The following PTPRD variants were observed in gnomAD, a reference collection of about 807,000 sequenced individuals.
PTPRD encodes the protein protein tyrosine phosphatase receptor type D.
PTPRD carries 34 observed loss-of-function variants against 214.5 expected under a neutral mutation model. That is an observed-to-expected ratio of 0.16 (90% CI 0.12 to 0.21). PTPRD has a LOEUF of 0.21. Among genes scored for constraint, PTPRD ranks in the 10% least tolerant of loss-of-function variants. The pLI is 1.00. For synonymous variants in PTPRD, 1,128 were observed against 845.7 expected (o/e 1.33, Z -5.79); for missense variants, 2,545 against 2,398.7 (o/e 1.06, Z -1.27).
At chr9:9,509,039 A>C (rs879196064) in intron 8 of PTPRD, among the ~76,000 whole-genome samples, 7 of 141,962 alleles carry the variant, frequency 4.9e-5, no homozygotes. Flanking sequence ...CTTTCCAAGA[A>C]AAAAAAATCT....
At chr9:9,475,286 C>A (rs767965213) in intron 8 of PTPRD, among the ~76,000 whole-genome samples, 2 of 152,148 alleles carry the variant, frequency 1.3e-5, no homozygotes, top group Non-Finnish European at 2.9e-5. Flanking sequence ...TGTACAGCAA[C>A]CATCCAAAAC....
chr9:9,380,143 G>C (rs1313936877), intron 9 of PTPRD, among the ~76,000 whole-genome samples: 1 of 151,954 alleles, frequency 6.6e-6, no homozygotes, highest in East Asian at 1.9e-4. Flanking sequence ...TAGGTTATTT[G>C]TAGAGATTCT....
chr9:10,106,565 G>T (rs1308763142), intron 3 of PTPRD, among the ~76,000 whole-genome samples: 1 of 151,816 alleles, frequency 6.6e-6, no homozygotes, highest in Non-Finnish European at 1.5e-5. Context: ...AACAAAAGTG[G>T]ATTTATCTCA....
intron 12 of PTPRD, among the ~76,000 whole-genome samples, chr9:8,683,385 C>CAAA (rs78015875): frequency 2.3e-4 from 25 of 107,078 alleles, no homozygotes; most frequent in African/African-American, 7.1e-4. Flanking sequence ...ACTCCTTTCT[C>CAAA]AAAAAAAAAA....
At chr9:10,100,451 T>C (rs1019842482) in intron 3 of PTPRD, among the ~76,000 whole-genome samples, 2 of 151,590 alleles carry the variant, frequency 1.3e-5, no homozygotes, top group Admixed American at 6.6e-5. Flanking sequence ...GAGAAGGCAA[T>C]TGCAAGAATC....
intron 8 of PTPRD, among the ~76,000 whole-genome samples, chr9:9,448,633 T>G (rs539277096): frequency 6.6e-6 from 1 of 152,138 alleles, no homozygotes; most frequent in East Asian, 1.9e-4. Context: ...AAGCATTCAC[T>G]GGATGCCCTG....
chr9:10,292,430 T>G (rs2095553384), intron 3 of PTPRD, among the ~76,000 whole-genome samples: 1 of 152,010 alleles, frequency 6.6e-6, no homozygotes, highest in African/African-American at 2.4e-5. Context: ...AACCTTCCAA[T>G]ACCTTCTCAT....
At chr9:9,872,532 T>C (rs1225211871) in intron 5 of PTPRD, among the ~76,000 whole-genome samples, 3 of 151,930 alleles carry the variant, frequency 2.0e-5, no homozygotes, top group African/African-American at 4.8e-5. Context: ...GCCGAGGATA[T>C]CGAGGCTATA....
intron 5 of PTPRD, among the ~76,000 whole-genome samples, chr9:9,778,213 T>A (rs1480659639): frequency 1.3e-5 from 2 of 152,144 alleles, no homozygotes; most frequent in East Asian, 3.9e-4. Context: ...CTGCACAGCA[T>A]AAGGGAATGC....
At chr9:10,130,751 A>G (rs1554698113) in intron 3 of PTPRD, among the ~76,000 whole-genome samples, 1 of 152,094 alleles carries the variant, frequency 6.6e-6, no homozygotes, top group Non-Finnish European at 1.5e-5. Flanking sequence ...TAAAGAGAAA[A>G]CTGAAAAAAA....
At chr9:9,598,818 C>T (rs1404400044) in intron 7 of PTPRD, among the ~76,000 whole-genome samples, 3 of 151,848 alleles carry the variant, frequency 2.0e-5, no homozygotes. Flanking sequence ...AAGAGGTGGA[C>T]TTGAGTTTGA....
intron 14 of PTPRD, among the ~76,000 whole-genome samples, chr9:8,594,757 C>A (rs1175467559): frequency 6.6e-6 from 1 of 152,256 alleles, no homozygotes; most frequent in Non-Finnish European, 1.5e-5. Flanking sequence ...ACCTCCCCAG[C>A]CATGAAGAAC....
At chr9:8,527,230 G>C (rs529365525) in intron 16 of PTPRD, 115 bp downstream of exon 16, 4 of 1,085,852 alleles carry the variant, frequency 3.7e-6, no homozygotes, top group East Asian at 5.1e-5. Flanking sequence ...CAGAGATCTG[G>C]TGTCTACACT....
At chr9:9,518,518 G>GGGT (rs1430467099) in intron 8 of PTPRD, among the ~76,000 whole-genome samples, 1 of 152,012 alleles carries the variant, frequency 6.6e-6, no homozygotes, top group Admixed American at 6.6e-5. Flanking sequence ...AGGCATAATA[G>GGGT]GGTAGGTCAA....
intron 2 of PTPRD, among the ~76,000 whole-genome samples, chr9:10,485,163 A>G (rs2099124543): frequency 6.6e-6 from 1 of 152,002 alleles, no homozygotes; most frequent in Admixed American, 6.6e-5. Context: ...CTTGAAAATG[A>G]GTTCACTGCA....
chr9:9,994,873 G>T (rs1019612171), intron 4 of PTPRD, among the ~76,000 whole-genome samples: 2 of 151,840 alleles, frequency 1.3e-5, no homozygotes, highest in African/African-American at 4.8e-5. Context: ...TCTCCAAATA[G>T]CATATTATAT....
intron 11 of PTPRD, among the ~76,000 whole-genome samples, chr9:8,963,667 T>C (rs969749897): frequency 5.9e-5 from 9 of 152,126 alleles, no homozygotes; most frequent in Non-Finnish European, 8.8e-5. Flanking sequence ...TTGCCCAGTC[T>C]GAAGTTCAGT....
chr9:10,466,398 A>G (rs546364240), intron 2 of PTPRD, among the ~76,000 whole-genome samples: 60 of 152,084 alleles, frequency 3.9e-4, no homozygotes, highest in African/African-American at 1.4e-3. Flanking sequence ...CTGAGGCGGG[A>G]GGACCACCTG....
chr9:8,826,880 T>A (rs2097186517), intron 11 of PTPRD, among the ~76,000 whole-genome samples: 1 of 152,112 alleles, frequency 6.6e-6, no homozygotes, highest in Non-Finnish European at 1.5e-5. Flanking sequence ...ACACTGGTTC[T>A]CATCATATCT....
Sources: allele counts gnomAD v4.1 joint callset (sites outside exome capture counted in the v4.1 genomes callset), GRCh38; gene constraint gnomAD v4.1.1; transcripts MANE v1.5; gene names NCBI Gene and HGNC (gene_info 2026-07-23, HGNC 2026-07-21).